Variants in ASTN2 observed in about 807,000 individuals in gnomAD.
The protein encoded by ASTN2 is astrotactin-2.
ASTN2 carries 54 observed loss-of-function variants against 139.8 expected under a neutral mutation model. The observed-to-expected ratio is 0.39, with a 90% CI of 0.31 to 0.48. The LOEUF is 0.48. Ranked by LOEUF, ASTN2 falls within the 20% of genes least tolerant of loss-of-function variation. The pLI is 0.95. For missense variants in ASTN2, 1,565 were observed against 1,725.1 expected (o/e 0.91, Z 1.64); for synonymous variants, 756 against 719.5 (o/e 1.05, Z -0.81).
intron 19 of ASTN2, among the ~76,000 whole-genome samples, chr9:116,577,851 A>G (rs1051369075): frequency 2.6e-5 from 4 of 152,136 alleles, no homozygotes; most frequent in Admixed American, 2.6e-4. Flanking sequence ...ATCTCTTCTG[A>G]TAATCTCAGG....
chr9:117,201,387 T>A (rs1831712608), intron 3 of ASTN2, among the ~76,000 whole-genome samples: 1 of 151,016 alleles, frequency 6.6e-6, no homozygotes, highest in African/African-American at 2.4e-5. Flanking sequence ...TCTTCTCTGA[T>A]TTTAGTTTGC....
chr9:117,013,612 G>C (rs965753213), intron 6 of ASTN2, among the ~76,000 whole-genome samples: 1 of 151,834 alleles, frequency 6.6e-6, no homozygotes, highest in Non-Finnish European at 1.5e-5. Context: ...GGGACTGCAC[G>C]GGCACGGAGG....
chr9:116,729,277 T>C (rs1828715667), intron 14 of ASTN2, among the ~76,000 whole-genome samples, 181 bp from the exon 15 acceptor site: 1 of 152,174 alleles, frequency 6.6e-6, no homozygotes, highest in East Asian at 1.9e-4. Context: ...ATCTCAGCCC[T>C]ACCCCTCATT....
chr9:117,205,839 G>A (rs550906659), intron 3 of ASTN2, among the ~76,000 whole-genome samples: 18 of 152,282 alleles, frequency 1.2e-4, no homozygotes, highest in Admixed American at 3.9e-4. Context: ...GAAGAACTGT[G>A]CCTTTGTTGC....
intron 1 of ASTN2, among the ~76,000 whole-genome samples, chr9:117,365,238 A>C (rs1420354179): frequency 2.0e-5 from 3 of 151,740 alleles, no homozygotes; most frequent in African/African-American, 4.8e-5. Context: ...AGAAAGCAAG[A>C]AAGAAAGAGA....
In ASTN2 at chr9:117,005,643, C is replaced by T. The variant is rs1837332896; in HGVS notation, c.1591+2449G>A. 1.3e-5 allele frequency among the ~76,000 whole-genome samples: 2 copies of T among 152,174 alleles called. 1 individual carries two copies. ...GCATCTTTCCCACCTAGCAGATGGG[C>T]TTCCTGCTTTCTTGTCACTTCCTTT... On this transcript the variant is annotated intron_variant, in intron 7 of 22. Coordinates refer to ENST00000313400, the MANE Select transcript of ASTN2 (RefSeq NM_001365068.1).
In ASTN2 at chr9:116,424,891, C is replaced by A. The variant is rs11999422; in HGVS notation, c.*960G>T. 0.024 allele frequency among the ~76,000 whole-genome samples: 3,609 copies of A among 152,172 alleles called. 144 individuals are homozygous for A. Among genetic ancestry groups the A allele is most frequent in the African/African-American group, 0.083 (3,428 of 41,520 alleles). On this transcript the variant is annotated 3_prime_UTR_variant, in exon 23 of 23. Coordinates refer to ENST00000313400, the MANE Select transcript of ASTN2 (RefSeq NM_001365068.1). ...GGCATGAGCCACTGTGCCTGGCAAG[C>A]AAATCCCATCTTTTTCACCTCTCTG...
chr9:117,301,622 C>T (rs536263679), intron 1 of ASTN2, among the ~76,000 whole-genome samples: 3 of 152,212 alleles, frequency 2.0e-5, no homozygotes, highest in Admixed American at 6.5e-5. Flanking sequence ...GTAAAGAGAT[C>T]GAGGAATCAA....
chr9:116,977,060 T>C (rs1301146723), intron 7 of ASTN2, among the ~76,000 whole-genome samples: 1 of 152,120 alleles, frequency 6.6e-6, no homozygotes, highest in Non-Finnish European at 1.5e-5. Context: ...ACCCAGCCGC[T>C]AAAGGAGCTC....
chr9:116,747,843 G>A (rs1304050323), intron 13 of ASTN2, among the ~76,000 whole-genome samples: 5 of 152,116 alleles, frequency 3.3e-5, no homozygotes, highest in Non-Finnish European at 5.9e-5. Flanking sequence ...ACTCACTTAA[G>A]CATTCCAGGC....
intron 10 of ASTN2, among the ~76,000 whole-genome samples, chr9:116,961,623 A>C (rs1391158099): frequency 1.3e-5 from 2 of 152,200 alleles, no homozygotes; most frequent in African/African-American, 4.8e-5. Flanking sequence ...TTCCATGTTT[A>C]GCTATTGTGA....
At position 116,699,188 on chromosome 9, in the gene ASTN2, G is replaced by C. The variant is rs1318321636; in HGVS notation, c.2806+26583C>G. On this transcript the variant is annotated intron_variant, in intron 16 of 22. Coordinates refer to ENST00000313400, the MANE Select transcript of ASTN2 (RefSeq NM_001365068.1). This position sits in a 1 kb window ranked among gnomAD's most constrained non-coding sequence, Gnocchi z 4.2. ...GTATCACAGCCTTGCCATCTGGCCA[G>C]TTTGTAGTAACCGATGTGGAAGGTG... 1 of 1,614,258 alleles carries C rather than the reference G, an allele frequency of 6.2e-7. No homozygotes were observed. Among genetic ancestry groups the C allele is most frequent in the Non-Finnish European group, 8.5e-7 (1 of 1,180,044 alleles).
intron 13 of ASTN2, among the ~76,000 whole-genome samples, chr9:116,762,157 T>C (rs953496816): frequency 6.6e-6 from 1 of 152,216 alleles, no homozygotes; most frequent in African/African-American, 2.4e-5. Flanking sequence ...TATCAGTTAT[T>C]TAATTATAGC....
intron 10 of ASTN2, among the ~76,000 whole-genome samples, chr9:116,874,414 C>A (rs1396334846): frequency 1.3e-5 from 2 of 152,158 alleles, no homozygotes; most frequent in African/African-American, 4.8e-5. Context: ...GGGCATGCTG[C>A]AGCTGTTCGC....
At chr9:116,496,436 A>C (rs187724854) in intron 19 of ASTN2, among the ~76,000 whole-genome samples, 18 of 152,270 alleles carry the variant, frequency 1.2e-4, no homozygotes, top group African/African-American at 4.1e-4. Flanking sequence ...GATTCCAGGG[A>C]GCAGGTATGG....
intron 1 of ASTN2, among the ~76,000 whole-genome samples, chr9:117,318,177 C>T (rs1353014080): frequency 6.6e-6 from 1 of 152,134 alleles, no homozygotes; most frequent in Non-Finnish European, 1.5e-5. Context: ...TCAAATCCCA[C>T]CTCTGCTACT....
rs147538467 is a variant in ASTN2 at position 117,096,122 on chromosome 9, T to A, written c.1198A>T (p.Thr400Ser). 2.5e-6 allele frequency: 4 copies of A among 1,613,892 alleles called. No homozygotes were observed. The African/African-American group carries it at 5.3e-5, about 22-fold the overall frequency. ...TCATCGTCTGCCTCTGAGCCCGACG[T>A]CCCCTTGGCTCTCCCAAAGCTGATT... ...GGISFGRAKG[T>S]SGSEADDETQ... Residue 400 changes from threonine (T) to serine (S), a missense_variant, in exon 5 of 23, where the codon ACG becomes TCG. Around this residue, in one of 4 missense-constraint regions of ASTN2, gnomAD observed 596 missense variants for 576.8 expected, o/e 1.03. Coordinates refer to ENST00000313400, the MANE Select transcript of ASTN2 (RefSeq NM_001365068.1).
At chr9:117,056,812 T>C (rs576923947) in intron 5 of ASTN2, among the ~76,000 whole-genome samples, 32 of 152,330 alleles carry the variant, frequency 2.1e-4, no homozygotes, top group African/African-American at 7.7e-4. Context: ...ACTGTGAATT[T>C]AGGAAGTCAA....
chr9:117,190,484 C>T (rs2132966487), intron 3 of ASTN2, among the ~76,000 whole-genome samples: 1 of 152,258 alleles, frequency 6.6e-6, no homozygotes, highest in South Asian at 2.1e-4. Context: ...AAATTCATTC[C>T]CCCATTTTCC....
Sources: gnomAD v4.1 joint callset for allele counts (sites outside exome capture counted in the v4.1 genomes callset) on GRCh38, gnomAD v4.1.1 for gene constraint, gnomAD v4.1.1 regional missense constraint, Gnocchi (gnomAD v3.1) non-coding constraint, MANE v1.5 for transcripts, NCBI Gene and HGNC (gene_info 2026-07-23, HGNC 2026-07-21) for gene names.